Variants in STRIP1 observed in about 807,000 individuals in gnomAD.
STRIP1 encodes striatin-interacting protein 1.
A neutral mutation model predicts 106.2 loss-of-function variants in STRIP1; 63 were observed. The observed-to-expected ratio is 0.59, with a 90% CI of 0.48 to 0.73. The LOEUF (loss-of-function observed/expected upper bound fraction) is 0.73, where lower values mean the gene tolerates loss of function less well. Ranked by LOEUF, STRIP1 falls within the 30% of genes least tolerant of loss-of-function variation. The pLI is 0.00. For missense variants in STRIP1, 857 were observed against 1,074.8 expected (o/e 0.80, Z 2.83); for synonymous variants, 390 against 413.0 (o/e 0.94, Z 0.67).
intron 20 of STRIP1, among the ~76,000 whole-genome samples, chr1:110,053,427 T>C (rs1391896779): frequency 1.3e-5 from 2 of 152,198 alleles, no homozygotes; most frequent in African/African-American, 4.8e-5. Flanking sequence ...GTACACATGG[T>C]TCTCCCTCTC....
At position 110,049,124 on chromosome 1, in the gene STRIP1, G is replaced by A; in HGVS notation, c.1674G>A (p.Leu558=). 2 of 1,614,166 alleles carry A rather than the reference G, an allele frequency of 1.2e-6. No homozygotes were observed. The highest frequency in any genetic ancestry group is 1.7e-6 in the Non-Finnish European group (2 of 1,180,028). ...VLPEEMPTTV[L]QSMKLGVDVN... is the part of the protein sequence containing the mutation. ...ATTATGTTTCCAGCACCACAGTGTT[G>A]CAGAGCATGAAGCTGGGGGTGGATG... Residue 558 remains leucine (L), a synonymous_variant, in exon 16 of 21, where the codon TTG becomes TTA. Transcript: ENST00000369795.
Position 110,034,723 on chromosome 1 carries a change from C to T in STRIP1, c.86C>T (p.Ala29Val). The change falls in exon 1 of 21, where the codon GCA (alanine) becomes GTA (valine). Residue 29 changes from alanine (A) to valine (V), a missense_variant. Transcript: ENST00000369795. The part of the protein sequence containing the change: ...QPPPPPPPAA[A>V]QPPPGAPRAA... Reference sequence around the variant, plus strand: ...CCGCCACCTCCGCCGCCGGCAGCCGCACAGCCACCACCCGGGGCACCGCGG... The same window carrying T: ...CCGCCACCTCCGCCGCCGGCAGCCGTACAGCCACCACCCGGGGCACCGCGG... 1 of 1,506,336 alleles carries T rather than the reference C, an allele frequency of 6.6e-7. No homozygotes were observed. The highest frequency in any genetic ancestry group is 8.8e-7 in the Non-Finnish European group (1 of 1,129,954). The allele number at this position is 1,506,336 out of a possible 1,614,324, so 93.3% of individuals were successfully genotyped here. A position where few individuals can be genotyped will look rare whatever the true frequency, so the allele number is the denominator to read the frequency against.
chr1:110,053,636 T>TA (rs1317366538), intron 20 of STRIP1, 29 bp from the exon 21 acceptor site: 1 of 1,612,502 alleles, frequency 6.2e-7, no homozygotes, highest in Non-Finnish European at 8.5e-7. Context: ...GCATGGCTCC[T>TA]AACGGTGTTT....
chr1:110,043,644 G>A lies in STRIP1; in HGVS notation c.1074G>A (p.Leu358=), dbSNP rs1652882235. ...TCTCCCTTCCCTGGTTTCAGGCTCT[G>A]ATAAAGCAGGACAACCTAGATGCCT... ...QKRGRREHKA[L]IKQDNLDAFN... The change falls in exon 10 of 21, where the codon CTG becomes CTA. Residue 358 remains leucine (L), a synonymous_variant. Transcript: ENST00000369795. 1 of 1,613,466 alleles carries A rather than the reference G, an allele frequency of 6.2e-7. No individual in the cohort carries two copies. Among genetic ancestry groups the A allele is most frequent in the African/African-American group, 1.3e-5 (1 of 74,918 alleles).
chr1:110,046,843 A>G, intron 13 of STRIP1, 92 bp downstream of exon 13: 3 of 899,132 alleles, frequency 3.3e-6, no homozygotes, highest in East Asian at 2.7e-5. Context: ...TGAGGTCAGG[A>G]GATTGAGACC....
At chr1:110,032,150 G>T (rs1390930827), upstream of STRIP1, among the ~76,000 whole-genome samples, 1 of 152,014 alleles carries the variant, frequency 6.6e-6, no homozygotes, top group African/African-American at 2.4e-5. Flanking sequence ...ATCTAAATCT[G>T]ATTATTTCCT....
At chr1:110,049,818 T>G in intron 17 of STRIP1, 1 of 404,130 alleles carries the variant, frequency 2.5e-6, no homozygotes, top group Non-Finnish European at 4.4e-6. Context: ...AGTACTTTCC[T>G]CCCTGTCCCT....
In STRIP1 at chr1:110,038,958, G is replaced by A. The variant is rs1016633206; in HGVS notation, c.325+201G>A. On this transcript the variant is annotated intron_variant, in intron 3 of 20. Transcript: ENST00000369795. The stretch of plus-strand genomic sequence containing the variant: ...TTTTCAGAATGTGCATATTAGGGGA[G>A]AAAAAAAAATCATGTGATTAAAATT... The A allele has an allele frequency of 1.1e-5, 8 of 714,898 alleles. No homozygotes were observed. In the African/African-American group the frequency reaches 1.4e-4, roughly 13 times the overall value. 44.3% of individuals were successfully genotyped at this position (714,898 alleles called of 1,614,324 possible).
At chr1:110,047,643 C>G in intron 14 of STRIP1, 27 bp downstream of exon 14, 1 of 1,595,940 alleles carries the variant, frequency 6.3e-7, no homozygotes, top group Non-Finnish European at 8.6e-7. Flanking sequence ...GTGGGACACT[C>G]CCACTACACT....
At chr1:110,041,932 C>T in intron 8 of STRIP1, 71 bp downstream of exon 8, 2 of 1,472,312 alleles carry the variant, frequency 1.4e-6, no homozygotes, top group Non-Finnish European at 1.9e-6. Context: ...CTTGAATATC[C>T]TTTTGAATAT....
intron 12 of STRIP1, among the ~76,000 whole-genome samples, chr1:110,046,256 T>C (rs767447586): frequency 6.6e-6 from 1 of 152,090 alleles, no homozygotes; most frequent in Non-Finnish European, 1.5e-5. Context: ...TCCCAGCACT[T>C]TGAGAGGCCA....
intron 18 of STRIP1, among the ~76,000 whole-genome samples, chr1:110,050,646 C>T (rs1294889976): frequency 1.3e-5 from 2 of 152,218 alleles, no homozygotes; most frequent in Admixed American, 6.5e-5. Flanking sequence ...GCTGCTGATC[C>T]AGAGCTCACC....
chr1:110,043,731 T>A lies in STRIP1; in HGVS notation c.1161T>A (p.Asp387Glu). 6.2e-7 allele frequency: 1 copy of A among 1,614,194 alleles called. No individual in the cohort carries two copies. The highest frequency in any genetic ancestry group is 8.5e-7 in the Non-Finnish European group (1 of 1,180,014). ...GAGAAGAGGAAGAGGAGAATGATGA[T>A]GACAACAGTCTGGAGGGGGAGACGT... ...DSREEEEENDDDNSLEGETFP... is the reference protein window; with the variant it reads ...DSREEEEENDEDNSLEGETFP... Residue 387 changes from aspartate to glutamate, a missense_variant, in exon 10 of 21, where the codon GAT (aspartate) becomes GAA (glutamate). Physicochemically the swap from Asp to Glu is conservative, Grantham distance 45. Around this residue, in one of 2 missense-constraint regions of STRIP1, gnomAD observed 750 missense variants for 989.8 expected, o/e 0.76. Transcript: ENST00000369795.
rs573845754 is a variant in STRIP1 at position 110,046,918 on chromosome 1, C to T, written c.1488+167C>T. ...AAAAAAAATTAGCCAGCCGTGGTGG[C>T]GGGCGCCTGTAGTCCCAGCTATTCA... On this transcript the variant is annotated intron_variant, in intron 13 of 20. Coordinates refer to ENST00000369795, the MANE Select transcript of STRIP1 (RefSeq NM_033088.4). 2.9e-4 allele frequency among the ~76,000 whole-genome samples: 44 copies of T among 152,052 alleles called. 1 individual carries two copies. The South Asian group carries it at 7.5e-3, about 26-fold the overall frequency.
intron 19 of STRIP1, 35 bp from the exon 20 acceptor site, chr1:110,051,648 T>C (rs1415146982): frequency 1.9e-6 from 3 of 1,559,924 alleles, no homozygotes; most frequent in Non-Finnish European, 1.7e-6. Context: ...TATTTTTGTC[T>C]TCAACTTGGG....
At chr1:110,041,496 C>T (rs764875219) in intron 6 of STRIP1, 40 bp from the exon 7 acceptor site, 3 of 1,506,640 alleles carry the variant, frequency 2.0e-6, no homozygotes, top group Admixed American at 1.7e-5. Flanking sequence ...TCCTTTGACC[C>T]CCCCATCCCA....
intron 8 of STRIP1, chr1:110,042,746 C>A: frequency 4.7e-6 from 1 of 212,506 alleles, no homozygotes; most frequent in Non-Finnish European, 9.2e-6. Context: ...GCATGTACAA[C>A]TTGTGAAACA....
intron 20 of STRIP1, 112 bp downstream of exon 20, chr1:110,051,999 G>A: frequency 8.9e-7 from 1 of 1,122,114 alleles, no homozygotes; most frequent in Non-Finnish European, 1.3e-6. Context: ...TTCCCCCCAA[G>A]GAACAGGAAG....
chr1:110,041,323 T>C, intron 6 of STRIP1: 1 of 511,122 alleles, frequency 2.0e-6, no homozygotes, highest in Non-Finnish European at 3.5e-6. Context: ...CCTGTTCTGC[T>C]TTGACCCTAC....
Sources: allele counts gnomAD v4.1 joint callset (sites outside exome capture counted in the v4.1 genomes callset), GRCh38; gene constraint gnomAD v4.1.1; regional missense constraint gnomAD v4.1.1; transcripts MANE v1.5; gene names NCBI Gene and HGNC (gene_info 2026-07-23, HGNC 2026-07-21).